EFCAB8: variants seen among roughly 807,000 people sequenced by gnomAD.
EFCAB8 encodes the protein EF-hand calcium-binding domain-containing protein 8.
In EFCAB8, 100 loss-of-function variants were observed where a neutral mutation model predicts 116.3. That is an observed-to-expected ratio of 0.86 (90% confidence interval 0.73 to 1.02). The LOEUF is 1.02. EFCAB8 is among the 50% of genes least tolerant of loss of function. The pLI, the probability that EFCAB8 is intolerant of heterozygous loss-of-function variation, is 0.00. For missense variants in EFCAB8, 1,320 were observed against 1,416.9 expected, an observed-to-expected ratio of 0.93 and a Z score of 1.10; for synonymous variants, 558 against 567.9, an observed-to-expected ratio of 0.98 and a Z score of 0.25.
intron 10 of EFCAB8, 177 bp from the exon 11 acceptor site, chr20:32,898,316 G>A (rs1986262273): frequency 3.6e-6 from 2 of 554,630 alleles, no homozygotes; most frequent in East Asian, 2.8e-5. Context: ...GCCAGTGCTG[G>A]TCATAGGACC....
chr20:32,863,822 T>C lies in EFCAB8; in HGVS notation c.30T>C (p.Pro10=). Residue 10 remains proline, a synonymous_variant, in exon 2 of 27, where the codon CCT becomes CCC. Coordinates refer to ENST00000400522, the MANE Select transcript of EFCAB8 (RefSeq NM_001143967.2). ...CTTCTGAAGACTTAGCAGAGATCCC[T>C]CAACTCCAAAAGGTAAGAAAGACAA... MSSEDLAEI[P]QLQKLSIPHG... is the part of the protein sequence containing the mutation. 1 of 1,551,444 alleles carries C rather than the reference T, an allele frequency of 6.4e-7. No individual in the cohort carries two copies. Among genetic ancestry groups the C allele is most frequent in the Non-Finnish European group, 8.7e-7 (1 of 1,146,854 alleles).
chr20:32,859,097 C>G (rs1983968302), intron 1 of EFCAB8, 91 bp downstream of exon 1: 4 of 465,796 alleles, frequency 8.6e-6, no homozygotes, highest in Non-Finnish European at 1.8e-5. Flanking sequence ...TGGAGAGCAG[C>G]TCTTATCTGT....
chr20:32,889,439 C>T, intron 7 of EFCAB8, 33 bp downstream of exon 7: 1 of 1,535,360 alleles, frequency 6.5e-7, no homozygotes, highest in Middle Eastern at 1.7e-4. Flanking sequence ...GCTCTGCTCT[C>T]AGCCACTGGG....
At chr20:32,863,672 C>T (rs1411740657) in intron 1 of EFCAB8, 111 bp from the exon 2 acceptor site, 6 of 1,028,108 alleles carry the variant, frequency 5.8e-6, no homozygotes, top group African/African-American at 3.3e-5. Flanking sequence ...GGAAGCCACC[C>T]TCTCCCTTGA....
intron 5 of EFCAB8, 64 bp from the exon 6 acceptor site, chr20:32,885,441 C>T (rs781251543): frequency 1.6e-5 from 24 of 1,539,348 alleles, no homozygotes; most frequent in East Asian, 4.9e-5. Flanking sequence ...TCTGTTCTGC[C>T]GCAGGTGCCC....
chr20:32,890,610 C>A, intron 7 of EFCAB8, among the ~76,000 whole-genome samples: 1 of 152,182 alleles, frequency 6.6e-6, no homozygotes, highest in Non-Finnish European at 1.5e-5. Context: ...CTGAGCAGAC[C>A]TGTAAGGTGG....
rs1987374723 is a variant in EFCAB8 at position 32,920,064 on chromosome 20, ATCTT to A, written c.2275-7_2275-4del. ...CACCCTCATGGTGACTTGGGTGCCC[ATCTT>A]TCTTTCCAGAAACCTTCCAGTGCTT... On this transcript the variant is annotated splice_polypyrimidine_tract_variant and intron_variant, in intron 19 of 26. Coordinates refer to ENST00000400522, the MANE Select transcript of EFCAB8 (RefSeq NM_001143967.2). 1 of 1,551,616 alleles carries A rather than the reference ATCTT, an allele frequency of 6.4e-7. No homozygotes were observed. Among genetic ancestry groups the A allele is most frequent in the South Asian group, 1.2e-5 (1 of 84,066 alleles).
Position 32,960,059 on chromosome 20 carries a change from GCA to G in EFCAB8, c.3295-3_3295-2del. 6.4e-7 allele frequency: 1 copy of G among 1,551,730 alleles called. No individual in the cohort carries two copies. Among genetic ancestry groups the G allele is most frequent in the Non-Finnish European group, 8.7e-7 (1 of 1,146,998 alleles). ...GCCTTCATTCTTGGGCGTGGCTCCTGCAGGTGAGCAAAGTCTTGGGAGCGGCG... is the reference window on the plus strand; with the variant it reads ...GCCTTCATTCTTGGGCGTGGCTCCTGGGTGAGCAAAGTCTTGGGAGCGGCG... On this transcript the variant is annotated splice_acceptor_variant and splice_polypyrimidine_tract_variant and intron_variant, in intron 25 of 26. Coordinates refer to ENST00000400522, the MANE Select transcript of EFCAB8 (RefSeq NM_001143967.2). LOFTEE classifies it high-confidence loss of function.
intron 22 of EFCAB8, among the ~76,000 whole-genome samples, chr20:32,932,939 A>G (rs1987965364): frequency 6.6e-6 from 1 of 152,212 alleles, no homozygotes; most frequent in Non-Finnish European, 1.5e-5. Context: ...TTATATTAAA[A>G]TGTCTTGGGA....
chr20:32,960,758 T>C (rs181048524), intron 26 of EFCAB8, among the ~76,000 whole-genome samples: 11 of 152,334 alleles, frequency 7.2e-5, no homozygotes, highest in Admixed American at 4.6e-4. Flanking sequence ...GCCATGCCCC[T>C]GCAGGGCCCC....
chr20:32,910,592 C>T (rs548210511), intron 15 of EFCAB8, among the ~76,000 whole-genome samples: 1 of 152,292 alleles, frequency 6.6e-6, no homozygotes, highest in Non-Finnish European at 1.5e-5. Flanking sequence ...GGGCTTCTCT[C>T]CCATCCTGGC....
At chr20:32,880,250 A>G (rs1020784756) in intron 5 of EFCAB8, among the ~76,000 whole-genome samples, 9 of 150,466 alleles carry the variant, frequency 6.0e-5, no homozygotes, top group African/African-American at 2.2e-4. Flanking sequence ...AGGCGGCTTG[A>G]ATGAAAGTCA....
At chr20:32,873,478 C>A (rs143102315) in intron 3 of EFCAB8, among the ~76,000 whole-genome samples, 1 of 152,102 alleles carries the variant, frequency 6.6e-6, no homozygotes, top group East Asian at 1.9e-4. Context: ...CCAGCCAGCA[C>A]GTGGAGAATT....
At chr20:32,905,318 G>GA (rs1440310284) in intron 11 of EFCAB8, among the ~76,000 whole-genome samples, 3 of 152,180 alleles carry the variant, frequency 2.0e-5, no homozygotes, top group Non-Finnish European at 4.4e-5. Context: ...GGAGCCTTCA[G>GA]AAAAAAACCC....
rs540641982 is a variant in EFCAB8, at chr20:32,910,632, G to A, written c.1557+701G>A. ...GCCACCACCCTCTCTCACTGCCTCAGGGCTCTTCAGTACCTTAAAAAAGTT... is the reference window on the plus strand; with the variant it reads ...GCCACCACCCTCTCTCACTGCCTCAAGGCTCTTCAGTACCTTAAAAAAGTT... On this transcript the variant is annotated intron_variant, in intron 15 of 26. Coordinates refer to ENST00000400522, the MANE Select transcript of EFCAB8 (RefSeq NM_001143967.2). Among the ~76,000 whole-genome samples the A allele has an allele frequency of 3.3e-5, 5 of 152,048 alleles. No individual in the cohort carries two copies. In the South Asian group the frequency reaches 8.3e-4, roughly 25 times the overall value.
chr20:32,887,257 TCAGA>T (rs1472390832), intron 6 of EFCAB8, among the ~76,000 whole-genome samples: 1 of 152,232 alleles, frequency 6.6e-6, no homozygotes, highest in Admixed American at 6.5e-5. Context: ...TTTCTTCAGT[TCAGA>T]GCCTGTGGTG....
intron 5 of EFCAB8, among the ~76,000 whole-genome samples, chr20:32,884,413 C>T (rs1985500848): frequency 6.6e-6 from 1 of 152,176 alleles, no homozygotes; most frequent in African/African-American, 2.4e-5. Context: ...CCATTCTGCA[C>T]AGTCTTTGGC....
intron 23 of EFCAB8, among the ~76,000 whole-genome samples, chr20:32,950,259 G>A (rs1443754890): frequency 6.6e-6 from 1 of 152,166 alleles, no homozygotes. Context: ...CACAGACTGG[G>A]AGAAGATATT....
intron 18 of EFCAB8, among the ~76,000 whole-genome samples, chr20:32,917,848 C>T (rs1987258503): frequency 6.6e-6 from 1 of 152,144 alleles, no homozygotes; most frequent in South Asian, 2.1e-4. Flanking sequence ...TACACATTAC[C>T]ACTGTGGGCT....
Sources: allele counts gnomAD v4.1 joint callset (sites outside exome capture counted in the v4.1 genomes callset), GRCh38; gene constraint gnomAD v4.1.1; transcripts MANE v1.5; gene names NCBI Gene and HGNC (gene_info 2026-07-23, HGNC 2026-07-21).